KCNQ5: variants seen among roughly 807,000 people sequenced by gnomAD.
KCNQ5 encodes potassium voltage-gated channel subfamily KQT member 5.
KCNQ5 carries 30 observed loss-of-function variants against 98.2 expected under a neutral mutation model. The ratio of observed to expected loss-of-function variants is 0.31; its 90% CI spans 0.23 to 0.41. The LOEUF (loss-of-function observed/expected upper bound fraction) is 0.41. KCNQ5 is among the 10% of genes least tolerant of loss of function. The pLI is 1.00. For missense variants in KCNQ5, 835 were observed against 1,182.5 expected (o/e 0.71, Z 4.31); for synonymous variants, 458 against 449.4 (o/e 1.02, Z -0.24).
At chr6:73,153,299 C>T (rs1052633952) in intron 10 of KCNQ5, among the ~76,000 whole-genome samples, 1 of 152,014 alleles carries the variant, frequency 6.6e-6, no homozygotes, top group African/African-American at 2.4e-5. Flanking sequence ...ATCTCCTTTC[C>T]TTTTCTCTTC....
intron 1 of KCNQ5, among the ~76,000 whole-genome samples, chr6:72,754,293 G>A (rs1009339557): frequency 2.0e-5 from 3 of 151,986 alleles, no homozygotes; most frequent in African/African-American, 7.2e-5. Flanking sequence ...TTTTATTTGT[G>A]TAATAGTTGT....
chr6:72,978,308 A>G (rs552828016), intron 1 of KCNQ5, among the ~76,000 whole-genome samples: 3 of 152,358 alleles, frequency 2.0e-5, no homozygotes, highest in African/African-American at 7.2e-5. Flanking sequence ...CAAGAACCTG[A>G]CTGTGATAGA....
rs769303139 is a variant in KCNQ5 at position 73,194,848 on chromosome 6, C to A, written c.2233C>A (p.Pro745Thr). ...QINTAPKPAA[P>T]TTLQIPPPLP... ...AAATACGGCACCCAAGCCAGCAGCC[C>A]CAACAACTTTACAGATCCCACCTCC... The change falls in exon 14 of 14, where the codon CCA (proline) becomes ACA (threonine). Residue 745 changes from proline (P) to threonine (T), a missense_variant. Transcript: ENST00000370398. The A allele has an allele frequency of 1.9e-6, 3 of 1,614,134 alleles. No homozygotes were observed. The South Asian group carries it at 3.3e-5, about 18-fold the overall frequency.
intron 1 of KCNQ5, among the ~76,000 whole-genome samples, chr6:72,908,129 C>G (rs1428916988): frequency 6.6e-6 from 1 of 151,920 alleles, no homozygotes; most frequent in Admixed American, 6.6e-5. Flanking sequence ...ATGACATATA[C>G]CTTGAAAATT....
In KCNQ5 at chr6:72,792,866, T is replaced by A. The variant is rs151202978; in HGVS notation, c.398+170279T>A. ...GCAGCAGACAGTAATACCAGAGGAA[T>A]TTTTGGAAGAATATGGAATACTTTA... On this transcript the variant is annotated intron_variant, in intron 1 of 13. Transcript: ENST00000370398. Among the ~76,000 whole-genome samples the A allele has an allele frequency of 6.6e-4, 101 of 152,318 alleles. 3 individuals are homozygous for A. Among genetic ancestry groups the A allele is most frequent in the African/African-American group, 2.4e-3 (100 of 41,568 alleles).
chr6:72,859,804 G>A (rs1314465164), intron 1 of KCNQ5, among the ~76,000 whole-genome samples: 1 of 151,932 alleles, frequency 6.6e-6, no homozygotes, highest in Non-Finnish European at 1.5e-5. Context: ...TTCTCAGGCT[G>A]GTCTCTAACT....
intron 1 of KCNQ5, among the ~76,000 whole-genome samples, chr6:72,898,398 T>A (rs544457468): frequency 6.6e-6 from 1 of 152,284 alleles, no homozygotes; most frequent in African/African-American, 2.4e-5. Flanking sequence ...ATTGTTCAAC[T>A]CCCACTTAGG....
At chr6:72,707,074 T>C (rs563357493) in intron 1 of KCNQ5, among the ~76,000 whole-genome samples, 1 of 152,338 alleles carries the variant, frequency 6.6e-6, no homozygotes, top group Admixed American at 6.5e-5. Flanking sequence ...GTATACCCAT[T>C]TAGGCATGTG....
At chr6:72,636,293 C>T (rs2098924092) in intron 1 of KCNQ5, among the ~76,000 whole-genome samples, 1 of 152,134 alleles carries the variant, frequency 6.6e-6, no homozygotes. Context: ...TTTCTTTACT[C>T]AGTGAGCCAA....
At chr6:72,744,302 G>A (rs1771269333) in intron 1 of KCNQ5, among the ~76,000 whole-genome samples, 1 of 152,154 alleles carries the variant, frequency 6.6e-6, no homozygotes, top group African/African-American at 2.4e-5. Context: ...TGAATTTAGT[G>A]GAGAAATTAT....
intron 1 of KCNQ5, among the ~76,000 whole-genome samples, chr6:72,702,924 C>T (rs76981421): frequency 0.01 from 1,587 of 152,262 alleles, 27 homozygotes; most frequent in African/African-American, 0.036. Flanking sequence ...TTATCTTCCT[C>T]TCCATCCTGC....
chr6:72,987,509 C>T (rs1460413417), intron 1 of KCNQ5: 2 of 660,596 alleles, frequency 3.0e-6, no homozygotes, highest in Non-Finnish European at 5.8e-6. Flanking sequence ...AAAACCTGTC[C>T]CCTTCGTTCA....
chr6:73,178,995 T>C (rs1778314701), intron 11 of KCNQ5, among the ~76,000 whole-genome samples: 1 of 152,176 alleles, frequency 6.6e-6, no homozygotes, highest in African/African-American at 2.4e-5. Context: ...GAGTGAGGGC[T>C]GCCTCAGGGG....
intron 2 of KCNQ5, among the ~76,000 whole-genome samples, chr6:73,025,452 T>C (rs1770830188): frequency 6.6e-6 from 1 of 151,824 alleles, no homozygotes; most frequent in Non-Finnish European, 1.5e-5. Flanking sequence ...CGAAACCCCA[T>C]CTCTACTAAA....
chr6:72,812,925 G>A (rs1229317527), intron 1 of KCNQ5, among the ~76,000 whole-genome samples: 10 of 151,968 alleles, frequency 6.6e-5, no homozygotes, highest in Admixed American at 6.6e-4. Context: ...TAATTTACGT[G>A]GATTAAAAAT....
intron 1 of KCNQ5, among the ~76,000 whole-genome samples, chr6:72,655,028 CTT>C (rs1459074054): frequency 4.3e-5 from 2 of 46,370 alleles, no homozygotes; most frequent in Admixed American, 2.1e-4. Context: ...GTCTGTCTGT[CTT>C]TCTTTCTTTC....
At chr6:72,848,027 A>AG (rs397815581) in intron 1 of KCNQ5, among the ~76,000 whole-genome samples, 2,484 of 151,514 alleles carry the variant, frequency 0.016, 19 homozygotes, top group Non-Finnish European at 0.026. Context: ...AAAAAAAAAA[A>AG]CTCCCAATGA....
chr6:73,106,561 G>T (rs1775010185), intron 6 of KCNQ5, among the ~76,000 whole-genome samples: 1 of 152,112 alleles, frequency 6.6e-6, no homozygotes, highest in South Asian at 2.1e-4. Context: ...CTTATAGATG[G>T]CTCTTCTTCC....
chr6:72,882,951 C>A (rs1197459471), intron 1 of KCNQ5, among the ~76,000 whole-genome samples: 1 of 152,052 alleles, frequency 6.6e-6, no homozygotes, highest in East Asian at 1.9e-4. Context: ...AGATCAATAT[C>A]CCATTTTATC....
Sources: allele counts gnomAD v4.1 joint callset (sites outside exome capture counted in the v4.1 genomes callset), GRCh38; gene constraint gnomAD v4.1.1; transcripts MANE v1.5; gene names NCBI Gene and HGNC (gene_info 2026-07-23, HGNC 2026-07-21).